Variants in ETS1 observed in about 807,000 individuals in gnomAD.
ETS1 encodes protein C-ets-1.
In ETS1, 15 loss-of-function variants were observed where a neutral mutation model predicts 58.6. The ratio of observed to expected loss-of-function variants is 0.26; its 90% CI spans 0.17 to 0.39. The LOEUF is 0.39. Among genes scored for constraint, ETS1 ranks in the 10% least tolerant of loss-of-function variants. The pLI, the probability that ETS1 is intolerant of heterozygous loss-of-function variation, is 1.00. For missense variants in ETS1, 417 were observed against 610.5 expected, an observed-to-expected ratio of 0.68 and a Z score of 3.34; for synonymous variants, 214 against 218.2, an observed-to-expected ratio of 0.98 and a Z score of 0.17.
intron 5 of ETS1, 80 bp from the exon 6 acceptor site, chr11:128,486,226 A>G: frequency 2.3e-6 from 2 of 857,242 alleles, no homozygotes; most frequent in South Asian, 2.9e-5. Context: ...GGATGCAAAG[A>G]CCACAATGAT....
At chr11:128,466,571 G>A (rs1862041688) in intron 8 of ETS1, among the ~76,000 whole-genome samples, 2 of 152,158 alleles carry the variant, frequency 1.3e-5, no homozygotes, top group Admixed American at 6.5e-5. Flanking sequence ...ATGTCAAGCA[G>A]TCATAGGCTG....
At chr11:128,581,311 C>CT (rs1864865799) in intron 1 of ETS1, among the ~76,000 whole-genome samples, 1 of 152,198 alleles carries the variant, frequency 6.6e-6, no homozygotes, top group South Asian at 2.1e-4. Context: ...ACAATCTACA[C>CT]TTTCTAGTCA....
chr11:128,535,544 T>C (rs1412546000), intron 3 of ETS1, among the ~76,000 whole-genome samples: 1 of 152,212 alleles, frequency 6.6e-6, no homozygotes, highest in Non-Finnish European at 1.5e-5. Context: ...AGGGTTTTTA[T>C]TGGAAAACAA....
chr11:128,489,892 A>G (rs931303906), intron 4 of ETS1, among the ~76,000 whole-genome samples: 5 of 152,220 alleles, frequency 3.3e-5, no homozygotes, highest in African/African-American at 9.7e-5. Context: ...GCTCTTAACT[A>G]TAATATACTT....
intron 5 of ETS1, among the ~76,000 whole-genome samples, chr11:128,488,742 T>C (rs1253643187): frequency 6.6e-6 from 1 of 152,098 alleles, no homozygotes; most frequent in African/African-American, 2.4e-5. Flanking sequence ...GGTTGCAACA[T>C]AGCGTCCTGA....
intron 2 of ETS1, among the ~76,000 whole-genome samples, chr11:128,557,384 AT>A (rs1404842212): frequency 1.3e-5 from 2 of 152,390 alleles, no homozygotes; most frequent in East Asian, 3.8e-4. Flanking sequence ...AAGTAGGACG[AT>A]TGAATGAAAT....
chr11:128,464,575 G>C lies in ETS1; in HGVS notation c.1124-948C>G, dbSNP rs1205204787. 3.9e-5 allele frequency among the ~76,000 whole-genome samples: 6 copies of C among 152,198 alleles called. No individual in the cohort carries two copies. The East Asian group carries it at 1.2e-3, about 29-fold the overall frequency. ...AGGGGTTCAAAAGTCCATGCTTCTT[G>C]TTACACTGCCCCTTATAACATAAAC... On this transcript the variant is annotated intron_variant, in intron 8 of 9. Coordinates refer to ENST00000392668, the MANE Select transcript of ETS1 (RefSeq NM_001143820.2). The surrounding 1 kb of genome is among the most constrained non-coding windows in gnomAD (Gnocchi z 4.1).
intron 3 of ETS1, among the ~76,000 whole-genome samples, chr11:128,532,001 A>G (rs1863905249): frequency 6.6e-6 from 1 of 152,184 alleles, no homozygotes; most frequent in Admixed American, 6.5e-5. Context: ...CCTGCCAGCC[A>G]ACAGTTCTTG....
At position 128,492,315 on chromosome 11, in the gene ETS1, C is replaced by T. The variant is rs185642497; in HGVS notation, c.215-1739G>A. ...CTGAAGAAAGGAGCAAATATATTGC[C>T]TCTGAATGTCGAACTAAGTGGAGAT... On this transcript the variant is annotated intron_variant, in intron 3 of 9. Transcript: ENST00000392668. Among the ~76,000 whole-genome samples the T allele has an allele frequency of 3.2e-3, 494 of 152,292 alleles. 2 individuals carry two copies. Among genetic ancestry groups the T allele is most frequent in the African/African-American group, 0.011 (469 of 41,560 alleles).
chr11:128,503,291 C>G (rs905333249), intron 3 of ETS1, among the ~76,000 whole-genome samples: 1 of 152,054 alleles, frequency 6.6e-6, no homozygotes, highest in Non-Finnish European at 1.5e-5. Context: ...AAATTTTAAG[C>G]ACAGAGCAGG....
chr11:128,558,086 A>T (rs1028263774), intron 2 of ETS1, among the ~76,000 whole-genome samples: 19 of 152,218 alleles, frequency 1.2e-4, no homozygotes, highest in Admixed American at 4.6e-4. Context: ...TAATATTCAT[A>T]AAATCATTCA....
chr11:128,506,269 TTTATG>T (rs1210939040), intron 3 of ETS1, among the ~76,000 whole-genome samples: 7 of 152,042 alleles, frequency 4.6e-5, no homozygotes, highest in African/African-American at 1.5e-4. Context: ...GATGGTAAAT[TTTATG>T]TTATATCAAT....
At chr11:128,485,599 T>C in intron 6 of ETS1, among the ~76,000 whole-genome samples, 1 of 152,168 alleles carries the variant, frequency 6.6e-6, no homozygotes, top group East Asian at 1.9e-4. Flanking sequence ...TTGGGTATCT[T>C]ACACGAAAAA....
intron 2 of ETS1, 104 bp downstream of exon 2, chr11:128,572,958 A>C: frequency 1.2e-6 from 1 of 815,106 alleles, no homozygotes; most frequent in Non-Finnish European, 2.0e-6. Flanking sequence ...CTTGGAGTTC[A>C]GGTTCCTGGC....
chr11:128,494,570 G>A (rs1178378219), intron 3 of ETS1, among the ~76,000 whole-genome samples: 1 of 152,194 alleles, frequency 6.6e-6, no homozygotes, highest in Admixed American at 6.5e-5. Context: ...TGTAAAACAA[G>A]GGTTTCCATT....
At chr11:128,470,602 T>C (rs987811561) in intron 8 of ETS1, among the ~76,000 whole-genome samples, 1 of 152,072 alleles carries the variant, frequency 6.6e-6, no homozygotes, top group African/African-American at 2.4e-5. Context: ...CAACTGAATA[T>C]ACAATAATGG....
At chr11:128,522,398 C>T (rs1247680616) in intron 3 of ETS1, 14 of 971,936 alleles carry the variant, frequency 1.4e-5, no homozygotes, top group African/African-American at 1.8e-5. Flanking sequence ...GCCGCTGGGT[C>T]CGCGCGCCCT....
intron 2 of ETS1, 146 bp downstream of exon 2, chr11:128,572,916 C>A: frequency 1.7e-6 from 1 of 595,462 alleles, no homozygotes; most frequent in Non-Finnish European, 3.0e-6. Flanking sequence ...TTACAATTGA[C>A]ATCCTCCAAA....
chr11:128,536,190 G>T (rs1863970520), intron 3 of ETS1, among the ~76,000 whole-genome samples: 2 of 152,160 alleles, frequency 1.3e-5, no homozygotes, highest in South Asian at 4.1e-4. Flanking sequence ...ATATAGATTT[G>T]TCTCCTCCAG....
Sources: allele counts gnomAD v4.1 joint callset (sites outside exome capture counted in the v4.1 genomes callset), GRCh38; gene constraint gnomAD v4.1.1; non-coding constraint Gnocchi (gnomAD v3.1); transcripts MANE v1.5; gene names NCBI Gene and HGNC (gene_info 2026-07-23, HGNC 2026-07-21).